STOX1: variants seen among roughly 807,000 people sequenced by gnomAD.
The protein encoded by STOX1 is storkhead box 1, also known as storkhead-box protein 1.
A neutral mutation model predicts 74.8 loss-of-function variants in STOX1; 57 were observed. The ratio of observed to expected loss-of-function variants is 0.76; its 90% CI spans 0.62 to 0.95. The LOEUF is 0.95. STOX1 is among the 40% of genes least tolerant of loss of function. The pLI is 0.00. For synonymous variants in STOX1, 375 were observed against 401.3 expected, an observed-to-expected ratio of 0.93 and a Z score of 0.78; for missense variants, 1,010 against 1,117.0, an observed-to-expected ratio of 0.90 and a Z score of 1.37.
In STOX1 at chr10:68,884,245, G is replaced by C; in HGVS notation, c.464-15G>C. 11 of 1,613,012 alleles carry C rather than the reference G, an allele frequency of 6.8e-6. No homozygotes were observed. The highest frequency in any genetic ancestry group is 9.3e-6 in the Non-Finnish European group (11 of 1,179,126). On this transcript the variant is annotated splice_polypyrimidine_tract_variant and intron_variant, in intron 2 of 3. Coordinates refer to ENST00000298596, the MANE Select transcript of STOX1 (RefSeq NM_152709.5). ...CTTATTCAAAATCTATCTGTAAAAT[G>C]CTTGTCTGTTTTAGGCATTGCAATT...
At chr10:68,865,520 G>A (rs1672485909) in intron 1 of STOX1, among the ~76,000 whole-genome samples, 1 of 152,152 alleles carries the variant, frequency 6.6e-6, no homozygotes, top group Admixed American at 6.6e-5. Context: ...GTGGCAGTGG[G>A]CACCTGTAGT....
chr10:68,847,246 T>C (rs540279977), intron 1 of STOX1, among the ~76,000 whole-genome samples: 110 of 152,274 alleles, frequency 7.2e-4, no homozygotes, highest in African/African-American at 2.4e-3. Flanking sequence ...TTAGAACATC[T>C]GTATCAACTG....
At chr10:68,837,277 G>A (rs1839579642) in intron 1 of STOX1, among the ~76,000 whole-genome samples, 1 of 152,232 alleles carries the variant, frequency 6.6e-6, no homozygotes, top group Non-Finnish European at 1.5e-5. Flanking sequence ...AGAATAAGTA[G>A]ATGTTAGCGT....
intron 1 of STOX1, among the ~76,000 whole-genome samples, chr10:68,877,080 A>G (rs1498325): frequency 0.91 from 139,310 of 152,256 alleles, 63,744 homozygotes; most frequent in East Asian, 0.99. Flanking sequence ...CTTAGCAACG[A>G]CTGTGAAGGA....
chr10:68,858,583 A>C (rs1334726773), intron 1 of STOX1, among the ~76,000 whole-genome samples: 1 of 152,134 alleles, frequency 6.6e-6, no homozygotes, highest in African/African-American at 2.4e-5. Context: ...GAGGCCACAG[A>C]GTCTGTAATC....
chr10:68,882,302 A>C (rs995303358), intron 2 of STOX1, among the ~76,000 whole-genome samples, 192 bp downstream of exon 2: 56 of 152,304 alleles, frequency 3.7e-4, no homozygotes, highest in African/African-American at 1.3e-3. Context: ...TTTTCAGATA[A>C]ACTTTTCCAA....
chr10:68,888,690 A>G (rs1018733622), intron 3 of STOX1, among the ~76,000 whole-genome samples: 23 of 140,778 alleles, frequency 1.6e-4, no homozygotes, highest in African/African-American at 5.7e-4. Context: ...GCTGGAGTGC[A>G]GTGGTACAAT....
intron 1 of STOX1, among the ~76,000 whole-genome samples, chr10:68,879,897 C>G (rs528008070): frequency 1.3e-5 from 2 of 152,252 alleles, no homozygotes; most frequent in East Asian, 3.9e-4. Context: ...AGGGTGGCTA[C>G]TTATCCCAGT....
intron 1 of STOX1, 115 bp from the exon 2 acceptor site, chr10:68,881,843 G>A: frequency 8.4e-7 from 1 of 1,189,838 alleles, no homozygotes. Context: ...AAAGACTGAT[G>A]AAAGAATTGC....
chr10:68,863,414 C>T (rs184596901), intron 1 of STOX1, among the ~76,000 whole-genome samples: 1 of 151,834 alleles, frequency 6.6e-6, no homozygotes, highest in East Asian at 1.9e-4. Flanking sequence ...CATAATAGGG[C>T]CAGATACCCA....
chr10:68,845,587 TTTTTTA>T (rs1323898593), intron 1 of STOX1, among the ~76,000 whole-genome samples: 6 of 150,560 alleles, frequency 4.0e-5, no homozygotes, highest in African/African-American at 9.8e-5. Context: ...CCTGGCTAAT[TTTTTTA>T]TTTTTATTTT....
In STOX1 at chr10:68,828,332, T is replaced by A. The variant is rs1208580301; in HGVS notation, c.310+399T>A. The A allele has an allele frequency of 5.5e-6, 6 of 1,084,230 alleles. No homozygotes were observed. In the East Asian group the frequency reaches 2.3e-4, roughly 41 times the overall value. The allele number at this position is 1,084,230 out of a possible 1,614,324, so 67.2% of individuals were successfully genotyped here. On this transcript the variant is annotated intron_variant, in intron 1 of 3. Transcript: ENST00000298596. ...CAGCTGTGAGCGCGGAGCTCCGCGC[T>A]GCAGGGGCGAGCGCGGCCCCGTCTT... is the stretch of plus-strand genomic sequence containing the variant.
In STOX1 at chr10:68,885,293, T is replaced by C. The variant is rs779589867; in HGVS notation, c.1497T>C (p.Gly499=). 2 of 1,614,150 alleles carry C rather than the reference T, an allele frequency of 1.2e-6. No homozygotes were observed. Among genetic ancestry groups the C allele is most frequent in the South Asian group, 2.2e-5 (2 of 91,082 alleles). Residue 499 remains glycine (G), a synonymous_variant, in exon 3 of 4, where the codon GGT becomes GGC. Coordinates refer to ENST00000298596, the MANE Select transcript of STOX1 (RefSeq NM_152709.5). ...YKKRISNPFQ[G]LSHRGSTISK... The stretch of plus-strand genomic sequence containing the variant: ...AGCGAATCAGTAATCCTTTCCAGGG[T>C]TTGTCTCACCGAGGAAGCACAATAT...
intron 1 of STOX1, among the ~76,000 whole-genome samples, chr10:68,864,454 C>T (rs1410918148): frequency 6.6e-6 from 1 of 152,128 alleles, no homozygotes; most frequent in Non-Finnish European, 1.5e-5. Flanking sequence ...ATGGGTTTGC[C>T]AAGTAAGACT....
chr10:68,843,466 A>G (rs988215659), intron 1 of STOX1, among the ~76,000 whole-genome samples: 1 of 152,136 alleles, frequency 6.6e-6, no homozygotes, highest in Non-Finnish European at 1.5e-5. Context: ...CCACTTTGCA[A>G]TCGTGCCATC....
Position 68,884,966 on chromosome 10 carries a change from T to C in STOX1, c.1170T>C (p.Tyr390=). The C allele has an allele frequency of 1.2e-6, 2 of 1,614,072 alleles. No homozygotes were observed. The part of the protein sequence containing the change: ...LMQKYEEQKK[Y]NSQGTSTDML... Reference sequence around the variant, plus strand: ...AAAAATACGAAGAACAGAAAAAATATAATAGCCAGGGCACTTCCACTGACA... The same window carrying C: ...AAAAATACGAAGAACAGAAAAAATACAATAGCCAGGGCACTTCCACTGACA... The change falls in exon 3 of 4, where the codon TAT becomes TAC. Residue 390 remains tyrosine, a synonymous_variant. Transcript: ENST00000298596.
intron 1 of STOX1, among the ~76,000 whole-genome samples, chr10:68,871,710 A>G (rs1376051617): frequency 1.3e-5 from 2 of 152,152 alleles, no homozygotes; most frequent in Non-Finnish European, 2.9e-5. Context: ...AATAAAAGGG[A>G]GATGTGGAGA....
intron 1 of STOX1, among the ~76,000 whole-genome samples, chr10:68,876,306 G>A (rs1300686784): frequency 1.3e-5 from 2 of 151,646 alleles, no homozygotes; most frequent in Non-Finnish European, 2.9e-5. Context: ...TCAGACATGC[G>A]CCACCACACC....
Position 68,860,278 on chromosome 10 carries a change from A to G in STOX1, c.311-21680A>G, listed in dbSNP as rs1463946483. Among the ~76,000 whole-genome samples, 3 of 149,800 alleles carry G rather than the reference A, an allele frequency of 2.0e-5. No homozygotes were observed. In the East Asian group the frequency reaches 5.9e-4, roughly 29 times the overall value. ...GCAAGACTCTGTCTCGGTGGGGGAA[A>G]GAGTCTCATTGGTCCAGGCATGGTG... On this transcript the variant is annotated intron_variant, in intron 1 of 3. Coordinates refer to ENST00000298596, the MANE Select transcript of STOX1 (RefSeq NM_152709.5).
Sources: allele counts gnomAD v4.1 joint callset (sites outside exome capture counted in the v4.1 genomes callset), GRCh38; gene constraint gnomAD v4.1.1; transcripts MANE v1.5; gene names NCBI Gene and HGNC (gene_info 2026-07-23, HGNC 2026-07-21).